INTS6: variants seen among roughly 807,000 people sequenced by gnomAD.
INTS6 encodes DEAD box protein.
Under a neutral mutation model 104.9 loss-of-function variants are expected in INTS6, and 16 were observed. The observed-to-expected ratio is 0.15, with a 90% confidence interval of 0.10 to 0.23. The LOEUF (loss-of-function observed/expected upper bound fraction) is 0.23, where lower values mean the gene tolerates loss of function less well. INTS6 is among the 10% of genes least tolerant of loss of function. The probability of loss-of-function intolerance (pLI) is 1.00; values close to 1 mark genes in which losing one functional copy is unlikely to be tolerated. For synonymous variants in INTS6, 324 were observed against 358.7 expected, an observed-to-expected ratio of 0.90 and a Z score of 1.09; for missense variants, 584 against 1,062.8, an observed-to-expected ratio of 0.55 and a Z score of 6.26.
At chr13:51,350,963 A>G (rs976721149), downstream of INTS6, among the ~76,000 whole-genome samples, 4 of 152,220 alleles carry the variant, frequency 2.6e-5, no homozygotes, top group African/African-American at 9.6e-5. Context: ...TCATAGTAGC[A>G]TGAATCAATA....
intron 15 of INTS6, among the ~76,000 whole-genome samples, chr13:51,371,689 T>C (rs1455806074): frequency 6.6e-6 from 1 of 151,960 alleles, no homozygotes; most frequent in Non-Finnish European, 1.5e-5. Flanking sequence ...CTTATCACAA[T>C]CTTTTCTCTC....
intron 17 of INTS6, among the ~76,000 whole-genome samples, chr13:51,367,416 T>C (rs1955714509): frequency 6.6e-6 from 1 of 152,058 alleles, no homozygotes; most frequent in South Asian, 2.1e-4. Flanking sequence ...TCTTGTCTCC[T>C]TAATTACGTT....
intron 4 of INTS6, among the ~76,000 whole-genome samples, chr13:51,398,774 G>C: frequency 6.8e-6 from 1 of 147,348 alleles, no homozygotes; most frequent in East Asian, 2.0e-4. Context: ...ATTTGAAACA[G>C]AGGAAAACGG....
intron 3 of INTS6, among the ~76,000 whole-genome samples, chr13:51,435,125 G>C (rs1053285410): frequency 1.3e-5 from 2 of 151,612 alleles, no homozygotes; most frequent in Non-Finnish European, 3.0e-5. Flanking sequence ...TAATTATAAT[G>C]ATATATTTAA....
intron 2 of INTS6, chr13:51,451,439 A>C (rs1953040382): frequency 8.9e-6 from 2 of 225,350 alleles, no homozygotes; most frequent in South Asian, 3.2e-4. Context: ...AATACCCAAA[A>C]TTTGGGTATG....
At chr13:51,398,925 T>C (rs1956387408) in intron 4 of INTS6, among the ~76,000 whole-genome samples, 1 of 152,164 alleles carries the variant, frequency 6.6e-6, no homozygotes, top group South Asian at 2.1e-4. Context: ...TAATATAACA[T>C]ACATACATAT....
chr13:51,447,321 G>C (rs950894939), intron 3 of INTS6: 1 of 151,948 alleles, frequency 6.6e-6, no homozygotes, highest in Non-Finnish European at 1.5e-5. Context: ...TATTAAATGG[G>C]TACTATTTAG....
chr13:51,411,041 G>A (rs536005541), intron 4 of INTS6, among the ~76,000 whole-genome samples: 4 of 151,172 alleles, frequency 2.6e-5, no homozygotes, highest in Admixed American at 6.6e-5. Flanking sequence ...GTGAAACCCC[G>A]TCTCTACTAA....
chr13:51,437,125 ATG>A (rs1952705593), intron 3 of INTS6: 1 of 152,200 alleles, frequency 6.6e-6, no homozygotes, highest in Admixed American at 6.5e-5. Context: ...TGTTAGAAAT[ATG>A]TTTTTTAAAA....
chr13:51,364,304 C>A lies in INTS6; in HGVS notation c.*1448G>T. ...CTAAATGCATGTTCTCCACTTTCAT[C>A]AATGCTTTTCTTCATAAAGTTATAA... is the stretch of plus-strand genomic sequence containing the variant. On this transcript the variant is annotated 3_prime_UTR_variant, in exon 18 of 18. Transcript: ENST00000311234. 7.4e-7 allele frequency: 1 copy of A among 1,359,658 alleles called. No individual in the cohort carries two copies. Among genetic ancestry groups the A allele is most frequent in the South Asian group, 1.3e-5 (1 of 74,376 alleles). 84.2% of individuals were successfully genotyped at this position (1,359,658 alleles called of 1,614,324 possible). A position where few individuals can be genotyped will look rare whatever the true frequency, so the allele number is the denominator to read the frequency against.
At position 51,383,421 on chromosome 13, in the gene INTS6, T is replaced by C; in HGVS notation, c.1088A>G (p.His363Arg). The C allele has an allele frequency of 6.2e-7, 1 of 1,614,016 alleles. No homozygotes were observed. The highest frequency in any genetic ancestry group is 8.5e-7 in the Non-Finnish European group (1 of 1,179,942). ...SNSAKYSELG[H>R]PFGYLKASTA... Reference sequence around the variant, plus strand: ...ACTGGCTTTCAAGTAACCAAAAGGATGACCAAGTTCACTGTATTTTGCACT... The same window carrying C: ...ACTGGCTTTCAAGTAACCAAAAGGACGACCAAGTTCACTGTATTTTGCACT... Residue 363 changes from histidine to arginine, a missense_variant, in exon 9 of 18, where the codon CAT becomes CGT. His to Arg is a conservative substitution (Grantham distance 29). Around this residue, in one of 5 missense-constraint regions of INTS6, gnomAD observed 144 missense variants for 348.7 expected, o/e 0.41. Coordinates refer to ENST00000311234, the MANE Select transcript of INTS6 (RefSeq NM_012141.3).
chr13:51,412,800 G>A (rs1956711433), intron 4 of INTS6, among the ~76,000 whole-genome samples: 1 of 152,122 alleles, frequency 6.6e-6, no homozygotes, highest in African/African-American at 2.4e-5. Flanking sequence ...TGGAACACCA[G>A]CAAATTCATT....
chr13:51,451,925 G>A (rs1953063789), intron 2 of INTS6, 53 bp downstream of exon 2: 2 of 1,391,146 alleles, frequency 1.4e-6, no homozygotes, highest in Non-Finnish European at 2.0e-6. Flanking sequence ...GAGGGCGAGC[G>A]AGGAAGGAAC....
rs140760797 is a variant in INTS6 at position 51,375,944 on chromosome 13, T to C, written c.1729+104A>G. The C allele has an allele frequency of 1.9e-4, 167 of 887,582 alleles. No individual in the cohort carries two copies. In the African/African-American group the frequency reaches 2.6e-3, roughly 14 times the overall value. 55.0% of individuals were successfully genotyped at this position (887,582 alleles called of 1,614,324 possible). A position where few individuals can be genotyped will look rare whatever the true frequency, so the allele number is the denominator to read the frequency against. On this transcript the variant is annotated intron_variant, in intron 13 of 17. Transcript: ENST00000311234. ...TTGTTTGAACTTACAATAAGAATGT[T>C]ATAGTACTGTAATAATTCTTTGAAA...
chr13:51,348,209 T>A, the INTS6 span: 1 of 1,577,698 alleles, frequency 6.3e-7, no homozygotes, highest in Middle Eastern at 1.7e-4. Flanking sequence ...CACTGTACCC[T>A]CAGGTCAGTT....
downstream of INTS6, among the ~76,000 whole-genome samples, chr13:51,352,472 T>G (rs572294524): frequency 6.6e-6 from 1 of 151,316 alleles, no homozygotes; most frequent in African/African-American, 2.4e-5. Flanking sequence ...CTCTGATAGG[T>G]TTTTTTTTGT....
chr13:51,398,155 G>T (rs1956374109), intron 4 of INTS6, among the ~76,000 whole-genome samples: 2 of 152,052 alleles, frequency 1.3e-5, no homozygotes, highest in South Asian at 4.1e-4. Context: ...GTAATGGCAG[G>T]CAAATAGAAA....
At chr13:51,384,379 A>G in intron 7 of INTS6, 1 of 279,326 alleles carries the variant, frequency 3.6e-6, no homozygotes, top group Non-Finnish European at 7.1e-6. Context: ...CTACCTCTTA[A>G]TAGTCCTCTT....
the INTS6 span, among the ~76,000 whole-genome samples, chr13:51,342,017 G>A: frequency 6.6e-6 from 1 of 152,146 alleles, no homozygotes; most frequent in East Asian, 1.9e-4. Flanking sequence ...AGCAGCATGA[G>A]TCTTTCGAAT....
Sources: allele counts gnomAD v4.1 joint callset (sites outside exome capture counted in the v4.1 genomes callset), GRCh38; gene constraint gnomAD v4.1.1; regional missense constraint gnomAD v4.1.1; transcripts MANE v1.5; gene names NCBI Gene and HGNC (gene_info 2026-07-23, HGNC 2026-07-21).